PIK3C2G: variants seen among roughly 807,000 people sequenced by gnomAD.
PIK3C2G encodes the protein phosphatidylinositol 3-kinase C2 domain-containing subunit gamma.
PIK3C2G carries 168 observed loss-of-function variants against 181.1 expected under a neutral mutation model. The ratio of observed to expected loss-of-function variants is 0.93; its 90% confidence interval spans 0.82 to 1.05. The LOEUF (loss-of-function observed/expected upper bound fraction) is 1.05, where lower values mean the gene tolerates loss of function less well. Ranked by LOEUF, PIK3C2G falls within the 50% of genes least tolerant of loss-of-function variation. The pLI is 0.00. For missense variants in PIK3C2G, 1,869 were observed against 1,732.8 expected (o/e 1.08, Z -1.40); for synonymous variants, 573 against 592.2 (o/e 0.97, Z 0.47).
chr12:18,243,332 TA>T (rs1243676234), upstream of PIK3C2G, among the ~76,000 whole-genome samples: 1 of 151,720 alleles, frequency 6.6e-6, no homozygotes, highest in African/African-American at 2.4e-5. Flanking sequence ...TTTTTTCAGA[TA>T]AAAAAATTTT....
chr12:18,630,059 G>C (rs1411940268), intron 31 of PIK3C2G, among the ~76,000 whole-genome samples: 1 of 151,978 alleles, frequency 6.6e-6, no homozygotes, highest in Non-Finnish European at 1.5e-5. Context: ...TTAAGGAAAG[G>C]ATTTGCTATA....
At chr12:18,673,354 A>G in the PIK3C2G span, among the ~76,000 whole-genome samples, 9 of 152,202 alleles carry the variant, frequency 5.9e-5, no homozygotes, top group Admixed American at 4.6e-4. Context: ...GTCCCCACTG[A>G]GAAAATACTA....
chr12:18,366,794 C>CT (rs1204118441), intron 12 of PIK3C2G, among the ~76,000 whole-genome samples: 2 of 146,748 alleles, frequency 1.4e-5, no homozygotes, highest in East Asian at 2.0e-4. Flanking sequence ...TTTTTTTTTC[C>CT]TTTTTTGTCT....
At chr12:18,293,115 T>A (rs1949783575) in intron 4 of PIK3C2G, among the ~76,000 whole-genome samples, 1 of 152,160 alleles carries the variant, frequency 6.6e-6, no homozygotes, top group African/African-American at 2.4e-5. Context: ...ATATTAATAC[T>A]AACATTATAT....
At chr12:18,283,071 G>A (rs1949291993) in intron 2 of PIK3C2G, among the ~76,000 whole-genome samples, 1 of 151,994 alleles carries the variant, frequency 6.6e-6, no homozygotes, top group Non-Finnish European at 1.5e-5. Flanking sequence ...AGGTTTAACT[G>A]ATAATATTTT....
chr12:18,634,418 C>G (rs548006661), intron 31 of PIK3C2G, among the ~76,000 whole-genome samples: 2 of 152,342 alleles, frequency 1.3e-5, no homozygotes, highest in Non-Finnish European at 2.9e-5. Context: ...AGGCATTCTA[C>G]AAGTCCATGG....
Position 18,294,118 on chromosome 12 carries a change from C to G in PIK3C2G, c.1034+103C>G, listed in dbSNP as rs1949833272. 9 of 599,618 alleles carry G rather than the reference C, an allele frequency of 1.5e-5. No homozygotes were observed. In the Middle Eastern group the frequency reaches 2.9e-3, roughly 196 times the overall value. The allele number at this position is 599,618 out of a possible 1,614,324, so 37.1% of individuals were successfully genotyped here. Reference sequence around the variant, plus strand: ...ACAGACTTTACACAAACATTATAGTCTTATATAATTAAATCAATTTTACCC... The same window carrying G: ...ACAGACTTTACACAAACATTATAGTGTTATATAATTAAATCAATTTTACCC... On this transcript the variant is annotated intron_variant, in intron 5 of 32. Transcript: ENST00000538779.
intron 31 of PIK3C2G, among the ~76,000 whole-genome samples, chr12:18,621,538 TTA>T (rs199935328): frequency 1.4e-4 from 21 of 149,602 alleles, no homozygotes; most frequent in East Asian, 3.9e-4. Context: ...ATAACATGTT[TTA>T]TATATATATG....
At chr12:18,705,648 C>A in the PIK3C2G span, among the ~76,000 whole-genome samples, 1 of 151,586 alleles carries the variant, frequency 6.6e-6, no homozygotes, top group East Asian at 2.0e-4. Context: ...GGCGGATCAC[C>A]TGAGGTCAGG....
At chr12:18,411,301 A>G (rs1944857534) in intron 16 of PIK3C2G, among the ~76,000 whole-genome samples, 1 of 152,158 alleles carries the variant, frequency 6.6e-6, no homozygotes, top group African/African-American at 2.4e-5. Flanking sequence ...GGATATCTGG[A>G]TGATAGTTTC....
chr12:18,428,382 T>G (rs1248314399), intron 18 of PIK3C2G, among the ~76,000 whole-genome samples: 1 of 151,914 alleles, frequency 6.6e-6, no homozygotes, highest in African/African-American at 2.4e-5. Context: ...TTTATGAGAT[T>G]TTTTTTCACG....
chr12:18,651,765 G>A (rs542153467), downstream of PIK3C2G, among the ~76,000 whole-genome samples: 25 of 152,290 alleles, frequency 1.6e-4, no homozygotes, highest in Non-Finnish European at 2.9e-4. Flanking sequence ...ATAACCAAGG[G>A]AAGGCTCCTT....
chr12:18,387,822 G>T (rs1417337852), intron 14 of PIK3C2G, among the ~76,000 whole-genome samples: 1 of 152,116 alleles, frequency 6.6e-6, no homozygotes, highest in African/African-American at 2.4e-5. Context: ...TTAATGATAT[G>T]TATCCATATT....
In PIK3C2G at chr12:18,510,286, CT is replaced by C. The variant is rs1220777195; in HGVS notation, c.3323+4828del. On this transcript the variant is annotated intron_variant, in intron 24 of 32. Transcript: ENST00000538779. ...CGACCTATCTTCATTTTTTAATTTTCTTTCACCGATACAAATTAAAGTGGCC... is the reference window on the plus strand; with the variant it reads ...CGACCTATCTTCATTTTTTAATTTTCTTCACCGATACAAATTAAAGTGGCC... Among the ~76,000 whole-genome samples the C allele has an allele frequency of 2.0e-5, 3 of 152,302 alleles. No homozygotes were observed. The East Asian group carries it at 5.8e-4, about 29-fold the overall frequency.
At chr12:18,273,970 C>A (rs1011816890) in intron 1 of PIK3C2G, among the ~76,000 whole-genome samples, 1 of 151,952 alleles carries the variant, frequency 6.6e-6, no homozygotes, top group African/African-American at 2.4e-5. Context: ...AAAAAAACAA[C>A]CCCATCAAAA....
intron 18 of PIK3C2G, among the ~76,000 whole-genome samples, chr12:18,464,973 A>AT (rs1392864040): frequency 6.6e-6 from 1 of 151,620 alleles, no homozygotes; most frequent in Non-Finnish European, 1.5e-5. Flanking sequence ...ATTTTAAAGG[A>AT]TTTTTTATTC....
At chr12:18,366,268 T>C (rs1456868726) in intron 12 of PIK3C2G, among the ~76,000 whole-genome samples, 1 of 152,156 alleles carries the variant, frequency 6.6e-6, no homozygotes, top group Non-Finnish European at 1.5e-5. Context: ...TTCAGCCAGG[T>C]GCAGTGGCTC....
intron 1 of PIK3C2G, among the ~76,000 whole-genome samples, chr12:18,264,840 T>C (rs1372836148): frequency 6.6e-6 from 1 of 152,190 alleles, no homozygotes; most frequent in Non-Finnish European, 1.5e-5. Flanking sequence ...TGGCTCACAG[T>C]GCATAGTGTC....
At chr12:18,673,976 A>G in the PIK3C2G span, among the ~76,000 whole-genome samples, 3 of 152,340 alleles carry the variant, frequency 2.0e-5, no homozygotes, top group Admixed American at 2.0e-4. Context: ...CATCACCTTC[A>G]TGTTGCTGTA....
Sources: gnomAD v4.1 joint callset for allele counts (sites outside exome capture counted in the v4.1 genomes callset) on GRCh38, gnomAD v4.1.1 for gene constraint, MANE v1.5 for transcripts, NCBI Gene and HGNC (gene_info 2026-07-23, HGNC 2026-07-21) for gene names.